Variants in SHISA9 observed in about 807,000 individuals in gnomAD.
SHISA9 encodes the protein shisa family member 9, also known as protein shisa-9.
Under a neutral mutation model 38.0 loss-of-function variants are expected in SHISA9, and 13 were observed. The observed-to-expected ratio is 0.34, with a 90% confidence interval of 0.22 to 0.54. SHISA9 has a LOEUF of 0.54. Ranked by LOEUF, SHISA9 falls within the 20% of genes least tolerant of loss-of-function variation. SHISA9 has a pLI of 0.91. For missense variants in SHISA9, 538 were observed against 575.8 expected, an observed-to-expected ratio of 0.93 and a Z score of 0.67; for synonymous variants, 275 against 242.0, an observed-to-expected ratio of 1.14 and a Z score of -1.27.
chr16:13,551,959 G>A, the SHISA9 span, among the ~76,000 whole-genome samples: 9 of 152,064 alleles, frequency 5.9e-5, no homozygotes, highest in East Asian at 3.9e-4. Context: ...GCTGGGAGGC[G>A]GAGGTTGCAG....
chr16:13,403,684 T>C, the SHISA9 span, among the ~76,000 whole-genome samples: 1 of 152,226 alleles, frequency 6.6e-6, no homozygotes, highest in Non-Finnish European at 1.5e-5. Flanking sequence ...ATTATTAACA[T>C]TAAATCATCT....
At chr16:13,419,405 G>T in the SHISA9 span, among the ~76,000 whole-genome samples, 1 of 152,324 alleles carries the variant, frequency 6.6e-6, no homozygotes, top group South Asian at 2.1e-4. Flanking sequence ...AAATATTTTT[G>T]AAAGACTTTT....
At chr16:13,411,817 G>A in the SHISA9 span, among the ~76,000 whole-genome samples, 1 of 152,214 alleles carries the variant, frequency 6.6e-6, no homozygotes, top group South Asian at 2.1e-4. Flanking sequence ...CTTTATTCTA[G>A]GAGGCCAGAG....
intron 2 of SHISA9, among the ~76,000 whole-genome samples, chr16:12,977,877 A>G (rs1298270749): frequency 6.6e-6 from 1 of 152,132 alleles, no homozygotes; most frequent in Non-Finnish European, 1.5e-5. Flanking sequence ...GCTGGGTTTA[A>G]TACTTAGGTA....
At chr16:13,499,199 A>G in the SHISA9 span, among the ~76,000 whole-genome samples, 4 of 152,208 alleles carry the variant, frequency 2.6e-5, no homozygotes, top group African/African-American at 9.6e-5. Flanking sequence ...CACCTGTCTG[A>G]ATTTCCTGTA....
the SHISA9 span, among the ~76,000 whole-genome samples, chr16:13,550,033 A>T: frequency 1.9e-4 from 29 of 151,870 alleles, no homozygotes; most frequent in African/African-American, 5.6e-4. Flanking sequence ...AAAAAAAAAA[A>T]AAATAAAGTA....
chr16:13,238,849 T>TTATTAG lies in SHISA9; in HGVS notation c.*3443_*3444insTAGTAT, dbSNP rs1444002688. 1 of 147,436 alleles carries TTATTAG rather than the reference T, an allele frequency of 6.8e-6. No homozygotes were observed. Among genetic ancestry groups the TTATTAG allele is most frequent in the East Asian group, 2.0e-4 (1 of 5,096 alleles). The allele number at this position is 147,436 out of a possible 1,614,324, so 9.1% of individuals were successfully genotyped here. On this transcript the variant is annotated 3_prime_UTR_variant, in exon 5 of 5. Transcript: ENST00000558583. Reference sequence around the variant, plus strand: ...ATTATTATTATTATTATTATTATTATTATACTTTAAGTTTTAGGGTACATG... The same window carrying TTATTAG: ...ATTATTATTATTATTATTATTATTATTATTAGTATACTTTAAGTTTTAGGGTACATG...
the SHISA9 span, among the ~76,000 whole-genome samples, chr16:13,308,812 T>G: frequency 6.6e-6 from 1 of 152,206 alleles, no homozygotes; most frequent in Non-Finnish European, 1.5e-5. Context: ...GTCAAATAAT[T>G]AAATCGCCAT....
At chr16:13,110,634 C>T (rs775101005) in intron 2 of SHISA9, among the ~76,000 whole-genome samples, 38 of 152,116 alleles carry the variant, frequency 2.5e-4, no homozygotes, top group Admixed American at 3.9e-4. Flanking sequence ...GCTGGAGACT[C>T]GGAAACAGTC....
the SHISA9 span, among the ~76,000 whole-genome samples, chr16:13,407,929 G>A: frequency 6.6e-6 from 1 of 152,204 alleles, no homozygotes; most frequent in African/African-American, 2.4e-5. Context: ...AAGCCATGTA[G>A]AGATCTAGAT....
intron 2 of SHISA9, among the ~76,000 whole-genome samples, chr16:12,923,387 G>T (rs1390318281): frequency 6.6e-6 from 1 of 152,116 alleles, no homozygotes; most frequent in Non-Finnish European, 1.5e-5. Flanking sequence ...AATTAGCTTG[G>T]TGTGGTGGTG....
chr16:12,904,133 G>T (rs1041073691), intron 1 of SHISA9, among the ~76,000 whole-genome samples: 1 of 152,072 alleles, frequency 6.6e-6, no homozygotes, highest in African/African-American at 2.4e-5. Context: ...CAACCACAGG[G>T]TGGCCTGTCC....
chr16:13,260,666 G>C, the SHISA9 span, among the ~76,000 whole-genome samples: 1 of 152,224 alleles, frequency 6.6e-6, no homozygotes, highest in African/African-American at 2.4e-5. Context: ...GAGTCTCTAG[G>C]AAGTTCCAAA....
the SHISA9 span, among the ~76,000 whole-genome samples, chr16:13,381,561 A>G: frequency 6.6e-6 from 1 of 152,242 alleles, no homozygotes; most frequent in African/African-American, 2.4e-5. Flanking sequence ...ATGTTCATTT[A>G]ACTATATTTG....
At chr16:13,094,472 T>TC (rs2073806607) in intron 2 of SHISA9, among the ~76,000 whole-genome samples, 1 of 151,380 alleles carries the variant, frequency 6.6e-6, no homozygotes, top group Admixed American at 6.6e-5. Flanking sequence ...AAAAAAAAAA[T>TC]CCCCCAAACT....
At chr16:13,233,255 C>G (rs557695064) in intron 4 of SHISA9, among the ~76,000 whole-genome samples, 6 of 144,140 alleles carry the variant, frequency 4.2e-5, no homozygotes, top group Non-Finnish European at 7.6e-5. Context: ...AAAGAAAGAA[C>G]GAGAAAGAGA....
At chr16:13,316,028 AG>A in the SHISA9 span, among the ~76,000 whole-genome samples, 7 of 146,774 alleles carry the variant, frequency 4.8e-5, no homozygotes, top group Admixed American at 1.4e-4. Flanking sequence ...AAAAAAAAAG[AG>A]AGAGAGCTTC....
chr16:13,177,454 G>C (rs1259677849), intron 2 of SHISA9, among the ~76,000 whole-genome samples: 1 of 151,916 alleles, frequency 6.6e-6, no homozygotes, highest in African/African-American at 2.4e-5. Context: ...AAATGGGTGG[G>C]GGAAAAAAAC....
intron 2 of SHISA9, among the ~76,000 whole-genome samples, chr16:12,990,529 C>G (rs1439909731): frequency 6.6e-6 from 1 of 152,198 alleles, no homozygotes; most frequent in African/African-American, 2.4e-5. Context: ...AATTATTTAA[C>G]CATTTTATTA....
Sources: gnomAD v4.1 joint callset for allele counts (sites outside exome capture counted in the v4.1 genomes callset) on GRCh38, gnomAD v4.1.1 for gene constraint, MANE v1.5 for transcripts, NCBI Gene and HGNC (gene_info 2026-07-23, HGNC 2026-07-21) for gene names.